The following RNF212B variants were observed in gnomAD, a reference collection of about 807,000 sequenced individuals.
RNF212B encodes ring finger protein 212B, also known as E3 ubiquitin-protein ligase RNF212B.
A neutral mutation model predicts 55.5 loss-of-function variants in RNF212B; 52 were observed. The observed-to-expected ratio is 0.94, with a 90% confidence interval of 0.75 to 1.18. RNF212B has a LOEUF of 1.18. RNF212B is among the 50% of genes most tolerant of loss of function. The pLI, the probability that RNF212B is intolerant of heterozygous loss-of-function variation, is 0.00. For missense variants in RNF212B, 289 were observed against 350.4 expected, an observed-to-expected ratio of 0.82 and a Z score of 1.40; for synonymous variants, 99 against 121.4, an observed-to-expected ratio of 0.82 and a Z score of 1.21.
Position 23,263,017 on chromosome 14 carries a change from T to C in RNF212B, c.524+47T>C, listed in dbSNP as rs1010629101. The C allele has an allele frequency of 3.5e-5, 52 of 1,477,596 alleles. No homozygotes were observed. The Admixed American group carries it at 4.7e-4, about 13-fold the overall frequency. The allele number at this position is 1,477,596 out of a possible 1,614,324, so 91.5% of individuals were successfully genotyped here. On this transcript the variant is annotated intron_variant, in intron 9 of 14. Coordinates refer to ENST00000430154, the MANE Select transcript of RNF212B (RefSeq NM_001282322.3). Reference sequence around the variant, plus strand: ...AAAACTGTTGGCAAAAGTTGGAAGATAGAAGAAATATCTAGTTGTAGCTCA... The same window carrying C: ...AAAACTGTTGGCAAAAGTTGGAAGACAGAAGAAATATCTAGTTGTAGCTCA...
chr14:23,214,327 C>G (rs1262721570), intron 2 of RNF212B, among the ~76,000 whole-genome samples: 1 of 151,934 alleles, frequency 6.6e-6, no homozygotes, highest in Admixed American at 6.6e-5. Flanking sequence ...AACCCCGTCT[C>G]TACTAAAAAT....
chr14:23,197,497 A>G (rs1594861422), intron 2 of RNF212B, among the ~76,000 whole-genome samples: 2 of 152,258 alleles, frequency 1.3e-5, no homozygotes, highest in East Asian at 3.8e-4. Context: ...ACTGCACTCC[A>G]GCCTGGCAAC....
intron 2 of RNF212B, among the ~76,000 whole-genome samples, chr14:23,197,779 CTTTT>C (rs34895919): frequency 2.1e-5 from 3 of 143,988 alleles, no homozygotes; most frequent in Admixed American, 6.9e-5. Context: ...GTCTTGTCTT[CTTTT>C]TTTTTTTTTT....
At chr14:23,259,800 C>A in intron 5 of RNF212B, 84 bp from the exon 6 acceptor site, 1 of 641,918 alleles carries the variant, frequency 1.6e-6, no homozygotes, top group Non-Finnish European at 2.6e-6. Context: ...TAAGTATTAA[C>A]TAGATGTTAA....
chr14:23,250,152 C>T (rs575668181), intron 4 of RNF212B, among the ~76,000 whole-genome samples: 18 of 152,148 alleles, frequency 1.2e-4, no homozygotes, highest in South Asian at 2.1e-4. Context: ...ACTTTCATAC[C>T]TTTATACCTG....
intron 2 of RNF212B, among the ~76,000 whole-genome samples, chr14:23,242,130 A>C (rs1403596918): frequency 6.6e-6 from 1 of 151,106 alleles, no homozygotes. Flanking sequence ...AAAAAGAAAA[A>C]CCTTTAGTCC....
At chr14:23,229,220 T>TATA (rs1882308878) in intron 2 of RNF212B, among the ~76,000 whole-genome samples, 9 of 65,036 alleles carry the variant, frequency 1.4e-4, no homozygotes, top group East Asian at 8.5e-4. Flanking sequence ...GAATAATATT[T>TATA]TATATATATA....
intron 2 of RNF212B, among the ~76,000 whole-genome samples, chr14:23,229,200 C>T (rs76611083): frequency 0.19 from 23,828 of 123,716 alleles, 2,242 homozygotes; most frequent in East Asian, 0.21. Flanking sequence ...ACTTTATTTC[C>T]TTTATGGCTG....
intron 2 of RNF212B, among the ~76,000 whole-genome samples, chr14:23,224,654 A>T (rs1165047776): frequency 6.6e-6 from 1 of 152,242 alleles, no homozygotes; most frequent in East Asian, 1.9e-4. Context: ...AAACTACTTC[A>T]AGAAAACATT....
At chr14:23,263,066 G>T in intron 9 of RNF212B, 96 bp downstream of exon 9, 2 of 1,151,616 alleles carry the variant, frequency 1.7e-6, no homozygotes, top group South Asian at 1.3e-5. Context: ...GAAATTTTAG[G>T]TCTATGTAGA....
chr14:23,230,012 GA>G (rs1370947436), intron 2 of RNF212B: 18 of 210,714 alleles, frequency 8.5e-5, no homozygotes, highest in African/African-American at 3.9e-4. Flanking sequence ...AGTTGTACCT[GA>G]TTTTATTATC....
At position 23,269,860 on chromosome 14, in the gene RNF212B, T is replaced by C; in HGVS notation, c.675-3T>C. ...TGCTGATGCTTTTATTTGCTTTCCT[T>C]AGAACTTCATCTGCCTCCTCTGGAC... On this transcript the variant is annotated splice_region_variant and splice_polypyrimidine_tract_variant and intron_variant, in intron 12 of 14. Transcript: ENST00000430154. 4.0e-6 allele frequency: 6 copies of C among 1,516,140 alleles called. No individual in the cohort carries two copies. Among genetic ancestry groups the C allele is most frequent in the Non-Finnish European group, 5.4e-6 (6 of 1,115,872 alleles). 93.9% of individuals were successfully genotyped at this position (1,516,140 alleles called of 1,614,324 possible).
intron 1 of RNF212B, among the ~76,000 whole-genome samples, chr14:23,186,086 T>G (rs967065606): frequency 2.0e-5 from 3 of 152,034 alleles, no homozygotes; most frequent in Admixed American, 6.6e-5. Flanking sequence ...GGTGGCAAAG[T>G]GAGACCCTGT....
Position 23,198,410 on chromosome 14 carries a change from T to C in RNF212B, c.-2+5009T>C, listed in dbSNP as rs548820287. Among the ~76,000 whole-genome samples, 3 of 152,330 alleles carry C rather than the reference T, an allele frequency of 2.0e-5. No homozygotes were observed. The South Asian group carries it at 6.2e-4, about 32-fold the overall frequency. On this transcript the variant is annotated intron_variant, in intron 2 of 15. Coordinates refer to the RNF212B transcript ENST00000399910. ...GTCCACATACTGGAGCCAAGCGTGG[T>C]GGCTCACGCCTGAAATCTGAGCACT...
intron 1 of RNF212B, among the ~76,000 whole-genome samples, chr14:23,185,898 A>C (rs1207922362): frequency 6.6e-6 from 1 of 152,150 alleles, no homozygotes; most frequent in Non-Finnish European, 1.5e-5. Flanking sequence ...TCAGGAGTTC[A>C]AGACCAGACT....
At chr14:23,213,636 C>T (rs1028624406) in intron 2 of RNF212B, among the ~76,000 whole-genome samples, 2 of 152,074 alleles carry the variant, frequency 1.3e-5, no homozygotes, top group African/African-American at 4.8e-5. Flanking sequence ...GGAAAGGTGT[C>T]AGTGGGACCC....
upstream of RNF212B, among the ~76,000 whole-genome samples, chr14:23,236,765 A>T (rs1175448983): frequency 6.6e-6 from 1 of 152,020 alleles, no homozygotes; most frequent in Non-Finnish European, 1.5e-5. Flanking sequence ...AAGTTTGAGA[A>T]CTACTACTCT....
intron 4 of RNF212B, among the ~76,000 whole-genome samples, chr14:23,250,084 T>C (rs1177235123): frequency 6.6e-6 from 1 of 152,216 alleles, no homozygotes; most frequent in East Asian, 1.9e-4. Flanking sequence ...CGTAAGGTTA[T>C]TTATTACCTA....
intron 2 of RNF212B, among the ~76,000 whole-genome samples, chr14:23,227,009 C>G (rs892003498): frequency 6.6e-6 from 1 of 151,932 alleles, no homozygotes; most frequent in Non-Finnish European, 1.5e-5. Context: ...ATTGTGAACA[C>G]ACACAAAAAT....
Sources: gnomAD v4.1 joint callset for allele counts (sites outside exome capture counted in the v4.1 genomes callset) on GRCh38, gnomAD v4.1.1 for gene constraint, MANE v1.5 for transcripts, NCBI Gene and HGNC (gene_info 2026-07-23, HGNC 2026-07-21) for gene names.